PRKD1: variants seen among roughly 807,000 people sequenced by gnomAD.
PRKD1 encodes protein kinase D1, also known as serine/threonine-protein kinase D1.
Under a neutral mutation model 95.9 loss-of-function variants are expected in PRKD1, and 63 were observed. That is an observed-to-expected ratio of 0.66 (90% CI 0.54 to 0.81). The LOEUF (loss-of-function observed/expected upper bound fraction) is 0.81, where lower values mean the gene tolerates loss of function less well. Ranked by LOEUF, PRKD1 falls within the 30% of genes least tolerant of loss-of-function variation. The probability of loss-of-function intolerance (pLI) is 0.00; values close to 1 mark genes in which losing one functional copy is unlikely to be tolerated. For synonymous variants in PRKD1, 425 were observed against 423.1 expected (o/e 1.00, Z -0.05); for missense variants, 1,048 against 1,165.3 (o/e 0.90, Z 1.47).
At position 29,897,405 on chromosome 14, in the gene PRKD1, T is replaced by C. The variant is rs577068237; in HGVS notation, c.264+29844A>G. Among the ~76,000 whole-genome samples, 101 of 152,282 alleles carry C rather than the reference T, an allele frequency of 6.6e-4. No homozygotes were observed. In the Middle Eastern group the frequency reaches 0.01, roughly 15 times the overall value. ...AAATAATCAGATATTCCTGCACATATAATAACACATGCCAAACACAGACAA... is the reference window on the plus strand; with the variant it reads ...AAATAATCAGATATTCCTGCACATACAATAACACATGCCAAACACAGACAA... On this transcript the variant is annotated intron_variant, in intron 1 of 17. Transcript: ENST00000331968.
intron 1 of PRKD1, among the ~76,000 whole-genome samples, chr14:29,838,997 A>G (rs1891722347): frequency 6.6e-6 from 1 of 152,206 alleles, no homozygotes. Flanking sequence ...AATGCCCAAA[A>G]GAATCAGTAG....
At chr14:29,876,844 G>C (rs915691901) in intron 1 of PRKD1, among the ~76,000 whole-genome samples, 6 of 152,114 alleles carry the variant, frequency 3.9e-5, no homozygotes, top group Non-Finnish European at 8.8e-5. Context: ...AGTCATTAGG[G>C]AAATGGAAAT....
intron 13 of PRKD1, among the ~76,000 whole-genome samples, chr14:29,602,548 G>A (rs527683520): frequency 1.9e-3 from 291 of 151,516 alleles, no homozygotes; most frequent in African/African-American, 6.7e-3. Context: ...TCCTGCCTCA[G>A]CCTCCCGGGT....
At chr14:29,921,726 G>A (rs997706554) in intron 1 of PRKD1, among the ~76,000 whole-genome samples, 15 of 152,140 alleles carry the variant, frequency 9.9e-5, no homozygotes, top group Non-Finnish European at 2.1e-4. Flanking sequence ...GGAATCTGGT[G>A]AAAATAAACA....
At chr14:29,625,309 G>A (rs971676299) in intron 12 of PRKD1, among the ~76,000 whole-genome samples, 1 of 151,904 alleles carries the variant, frequency 6.6e-6, no homozygotes, top group Non-Finnish European at 1.5e-5. Context: ...CTACTCCTCC[G>A]TCACTGTAGT....
At chr14:29,709,898 G>C (rs537861641) in intron 2 of PRKD1, among the ~76,000 whole-genome samples, 2 of 151,774 alleles carry the variant, frequency 1.3e-5, no homozygotes, top group African/African-American at 4.8e-5. Flanking sequence ...AGACACACCG[G>C]GAATAACCTT....
intron 1 of PRKD1, among the ~76,000 whole-genome samples, chr14:29,844,226 G>A (rs1475503859): frequency 6.6e-6 from 1 of 152,204 alleles, no homozygotes; most frequent in Admixed American, 6.5e-5. Flanking sequence ...GGAACTAGAG[G>A]AGAATAAAAG....
At chr14:29,611,485 T>G (rs893282341) in intron 13 of PRKD1, among the ~76,000 whole-genome samples, 25 of 151,906 alleles carry the variant, frequency 1.6e-4, no homozygotes, top group Non-Finnish European at 2.5e-4. Context: ...GAGTGAGAAC[T>G]CAAGAAAGAC....
In PRKD1 at chr14:29,719,401, C is replaced by A. The variant is rs985106768; in HGVS notation, c.403+6135G>T. ...ATGACAAACATCATCTCAATGGTTC[C>A]TGAAGCTCACTGCTACTTTTGCTGT... is the stretch of plus-strand genomic sequence containing the variant. On this transcript the variant is annotated intron_variant, in intron 2 of 17. Transcript: ENST00000331968. Among the ~76,000 whole-genome samples the A allele has an allele frequency of 2.0e-5, 3 of 152,236 alleles. No individual in the cohort carries two copies. In the South Asian group the frequency reaches 6.2e-4, roughly 32 times the overall value.
chr14:29,873,529 ACTAT>A (rs1893184141), intron 1 of PRKD1, among the ~76,000 whole-genome samples: 2 of 152,242 alleles, frequency 1.3e-5, no homozygotes, highest in Admixed American at 1.3e-4. Flanking sequence ...AAGAAAGATC[ACTAT>A]CTATACAAAA....
At chr14:29,914,826 G>A (rs990278911) in intron 1 of PRKD1, among the ~76,000 whole-genome samples, 5 of 151,322 alleles carry the variant, frequency 3.3e-5, no homozygotes, top group African/African-American at 1.2e-4. Flanking sequence ...AGGCTGGAGT[G>A]CAGTGGCGTG....
At chr14:29,626,829 C>T (rs1181748951) in intron 11 of PRKD1, among the ~76,000 whole-genome samples, 3 of 151,862 alleles carry the variant, frequency 2.0e-5, no homozygotes, top group African/African-American at 4.8e-5. Flanking sequence ...ATTCTCCTGC[C>T]TCAGCCTCCT....
chr14:29,801,687 G>T (rs185731611), intron 1 of PRKD1, among the ~76,000 whole-genome samples: 13 of 152,050 alleles, frequency 8.5e-5, no homozygotes, highest in Non-Finnish European at 1.5e-4. Flanking sequence ...TGCTATTAGG[G>T]TCTACGTGTT....
chr14:29,853,552 A>T (rs1356131837), intron 1 of PRKD1, among the ~76,000 whole-genome samples: 1 of 152,266 alleles, frequency 6.6e-6, no homozygotes, highest in Non-Finnish European at 1.5e-5. Context: ...CAGAGATGAA[A>T]TCATGCATGA....
At chr14:29,691,916 G>A (rs1052522368) in intron 2 of PRKD1, among the ~76,000 whole-genome samples, 3 of 152,136 alleles carry the variant, frequency 2.0e-5, no homozygotes, top group African/African-American at 7.2e-5. Context: ...AAAAAAAGGA[G>A]GTTTTCCCCT....
chr14:29,684,531 T>G (rs985255414), intron 2 of PRKD1, among the ~76,000 whole-genome samples: 1 of 152,234 alleles, frequency 6.6e-6, no homozygotes, highest in African/African-American at 2.4e-5. Context: ...TTGTTGTCAG[T>G]GAGTGAAACA....
At chr14:29,850,215 A>G (rs1892253438) in intron 1 of PRKD1, among the ~76,000 whole-genome samples, 1 of 152,168 alleles carries the variant, frequency 6.6e-6, no homozygotes, top group Admixed American at 6.5e-5. Context: ...ATAAGTCAAG[A>G]GAAAGAAATA....
intron 1 of PRKD1, among the ~76,000 whole-genome samples, chr14:29,919,764 A>C (rs1427659126): frequency 6.7e-6 from 1 of 148,418 alleles, no homozygotes; most frequent in Non-Finnish European, 1.5e-5. Flanking sequence ...ACAGGAGTTC[A>C]AGACCATCCT....
chr14:29,634,115 C>T (rs1372447734), intron 8 of PRKD1, among the ~76,000 whole-genome samples: 2 of 152,186 alleles, frequency 1.3e-5, no homozygotes, highest in Non-Finnish European at 1.5e-5. Flanking sequence ...TGCAGTGAAG[C>T]ATTCTGAAAG....
Sources: gnomAD v4.1 joint callset for allele counts (sites outside exome capture counted in the v4.1 genomes callset) on GRCh38, gnomAD v4.1.1 for gene constraint, MANE v1.5 for transcripts, NCBI Gene and HGNC (gene_info 2026-07-23, HGNC 2026-07-21) for gene names.